DDOST: variants seen among roughly 807,000 people sequenced by gnomAD.
DDOST encodes the protein dolichyl-diphosphooligosaccharide--protein glycosyltransferase non-catalytic subunit.
Under a neutral mutation model 47.6 loss-of-function variants are expected in DDOST, and 25 were observed. The ratio of observed to expected loss-of-function variants is 0.53; its 90% confidence interval spans 0.38 to 0.73. The LOEUF (loss-of-function observed/expected upper bound fraction) is 0.73. Ranked by LOEUF, DDOST falls within the 30% of genes least tolerant of loss-of-function variation. DDOST has a pLI of 0.00. For missense variants in DDOST, 526 were observed against 573.9 expected (o/e 0.92, Z 0.85); for synonymous variants, 275 against 236.0 (o/e 1.17, Z -1.51).
At chr1:20,655,818 G>A in intron 3 of DDOST, 39 bp from the exon 4 acceptor site, 1 of 1,548,924 alleles carries the variant, frequency 6.5e-7, no homozygotes, top group Non-Finnish European at 8.9e-7. Context: ...AGCCCTTACA[G>A]GGGGGCCTTG....
chr1:20,661,018 G>A (rs774147717), intron 1 of DDOST, 27 bp from the exon 2 acceptor site: 1 of 1,566,822 alleles, frequency 6.4e-7, no homozygotes, highest in African/African-American at 1.4e-5. Flanking sequence ...AGGTAGTTGA[G>A]GAAGACGGGA....
At chr1:20,657,139 C>G (rs1214465357) in intron 2 of DDOST, among the ~76,000 whole-genome samples, 1 of 152,162 alleles carries the variant, frequency 6.6e-6, no homozygotes, top group African/African-American at 2.4e-5. Context: ...GCACAGTGAA[C>G]ACCAGGTGCA....
At position 20,661,177 on chromosome 1, in the gene DDOST, C is replaced by A. The variant is rs2053430407; in HGVS notation, c.154+20G>T. 2 of 1,611,570 alleles carry A rather than the reference C, an allele frequency of 1.2e-6. No individual in the cohort carries two copies. The highest frequency in any genetic ancestry group is 4.5e-5 in the East Asian group (2 of 44,826). On this transcript the variant is annotated intron_variant, in intron 1 of 10. Coordinates refer to ENST00000602624, the MANE Select transcript of DDOST (RefSeq NM_005216.5). Reference sequence around the variant, plus strand: ...CAACCCCAGGCCCCCACACGCTACCCCCTCGGACCCCGCTCTCACCCTTCA... The same window carrying A: ...CAACCCCAGGCCCCCACACGCTACCACCTCGGACCCCGCTCTCACCCTTCA...
intron 2 of DDOST, among the ~76,000 whole-genome samples, chr1:20,657,444 G>T (rs1354288581): frequency 2.0e-5 from 3 of 152,208 alleles, no homozygotes; most frequent in African/African-American, 7.2e-5. Flanking sequence ...TGAAAATCTA[G>T]GCAGTGAAGA....
intron 2 of DDOST, among the ~76,000 whole-genome samples, chr1:20,658,471 G>A (rs2154534366): frequency 6.6e-6 from 1 of 152,218 alleles, no homozygotes; most frequent in East Asian, 1.9e-4. Flanking sequence ...ACCTTCCAAA[G>A]TGTGGAACCC....
intron 2 of DDOST, among the ~76,000 whole-genome samples, chr1:20,657,092 C>G (rs1047777426): frequency 6.6e-6 from 1 of 152,216 alleles, no homozygotes; most frequent in African/African-American, 2.4e-5. Context: ...AAGATGTAAG[C>G]GTGAGCCAGG....
intron 10 of DDOST, 36 bp downstream of exon 10, chr1:20,652,585 T>C (rs757415954): frequency 3.1e-6 from 5 of 1,614,134 alleles, no homozygotes; most frequent in East Asian, 2.2e-5. Flanking sequence ...GCAGGGCACA[T>C]GCTAGCTGAA....
chr1:20,654,181 G>C, intron 7 of DDOST, 42 bp downstream of exon 7: 1 of 1,548,818 alleles, frequency 6.5e-7, no homozygotes, highest in Non-Finnish European at 8.7e-7. Context: ...TACACACACT[G>C]CACCACCCGG....
intron 3 of DDOST, 97 bp from the exon 4 acceptor site, chr1:20,655,876 G>A (rs2053367108): frequency 3.9e-6 from 4 of 1,038,800 alleles, no homozygotes; most frequent in Non-Finnish European, 6.0e-6. Context: ...GTCAGCCCCA[G>A]TGCCCTGCAG....
intron 3 of DDOST, 36 bp downstream of exon 3, chr1:20,656,065 A>G (rs747669784): frequency 1.8e-5 from 28 of 1,541,142 alleles, no homozygotes; most frequent in Non-Finnish European, 2.3e-5. Context: ...TCCCTGGAGA[A>G]GTGGAAAGCA....
chr1:20,654,581 T>C, intron 6 of DDOST, 33 bp downstream of exon 6: 1 of 1,526,994 alleles, frequency 6.5e-7, no homozygotes, highest in African/African-American at 1.4e-5. Flanking sequence ...GCTTCATTTT[T>C]ATTTCGAAGC....
intron 5 of DDOST, 117 bp from the exon 6 acceptor site, chr1:20,654,824 T>C: frequency 4.3e-6 from 3 of 697,122 alleles, no homozygotes; most frequent in Admixed American, 2.3e-5. Context: ...TGCCAACCAC[T>C]TAGCTCTTGT....
At position 20,656,204 on chromosome 1, in the gene DDOST, G is replaced by A; in HGVS notation, c.266-17C>T. 1 of 1,606,462 alleles carries A rather than the reference G, an allele frequency of 6.2e-7. No homozygotes were observed. The highest frequency in any genetic ancestry group is 1.7e-5 in the Admixed American group (1 of 59,984). Reference sequence around the variant, plus strand: ...CTCCAAAATCTGAAAGCAGGCACCAGACACAGTGACCCAGAGGTCTCCTCT... The same window carrying A: ...CTCCAAAATCTGAAAGCAGGCACCAAACACAGTGACCCAGAGGTCTCCTCT... On this transcript the variant is annotated splice_polypyrimidine_tract_variant and intron_variant, in intron 2 of 10. Transcript: ENST00000602624.
At position 20,661,185 on chromosome 1, in the gene DDOST, C is replaced by T; in HGVS notation, c.154+12G>A. On this transcript the variant is annotated intron_variant, in intron 1 of 10. Transcript: ENST00000602624. The stretch of plus-strand genomic sequence containing the variant: ...GGCCCCCACACGCTACCCCCTCGGA[C>T]CCCGCTCTCACCCTTCAGGCTCCGG... The T allele has an allele frequency of 2.5e-6, 4 of 1,612,762 alleles. No individual in the cohort carries two copies. Among genetic ancestry groups the T allele is most frequent in the Non-Finnish European group, 3.4e-6 (4 of 1,179,452 alleles).
In DDOST at chr1:20,655,719, G is replaced by A. The variant is rs572098042; in HGVS notation, c.413C>T (p.Ala138Val). 9 of 1,614,172 alleles carry A rather than the reference G, an allele frequency of 5.6e-6. 1 individual carries two copies. In the South Asian group the frequency reaches 9.9e-5, roughly 18 times the overall value. ...CGIEFDEEKT[A>V]VIDHHNYDIS... ...GTCATAGTTGTGATGGTCAATGACA[G>A]CCGTTTTCTCCTCGTCAAACTCAAT... Residue 138 changes from alanine (A) to valine (V), a missense_variant, in exon 4 of 11, where the codon GCT (alanine) becomes GTT (valine). Transcript: ENST00000602624.
intron 3 of DDOST, 145 bp from the exon 4 acceptor site, chr1:20,655,924 G>A (rs2053367495): frequency 1.2e-6 from 1 of 829,192 alleles, no homozygotes; most frequent in South Asian, 1.5e-5. Flanking sequence ...TGGACCCCTG[G>A]ACAGCAGTGT....
intron 6 of DDOST, 41 bp downstream of exon 6, chr1:20,654,573 T>G: frequency 6.6e-7 from 1 of 1,514,000 alleles, no homozygotes; most frequent in Non-Finnish European, 9.0e-7. Flanking sequence ...GCTGTTCTGC[T>G]TCATTTTTAT....
rs149524926 is a variant in DDOST, at chr1:20,659,602, A to G, written c.265+1279T>C. ...ACTGCACCGAAGCCCAGTCATCAGA[A>G]GATTTCAACTTCTACCAATTTGGGG... On this transcript the variant is annotated intron_variant, in intron 2 of 10. Transcript: ENST00000602624. Among the ~76,000 whole-genome samples, 975 of 152,344 alleles carry G rather than the reference A, an allele frequency of 6.4e-3. 15 individuals are homozygous for G. Among genetic ancestry groups the G allele is most frequent in the African/African-American group, 0.022 (921 of 41,572 alleles).
chr1:20,652,212 T>A lies in DDOST; in HGVS notation c.*167A>T, dbSNP rs1358585901. ...TCAAAGTGGAAAAACTTCTTTTATA[T>A]AAAAATTATCCCAACTCCCACCCCT... On this transcript the variant is annotated 3_prime_UTR_variant, in exon 11 of 11. Coordinates refer to ENST00000602624, the MANE Select transcript of DDOST (RefSeq NM_005216.5). The A allele has an allele frequency of 8.0e-6, 5 of 628,914 alleles. No individual in the cohort carries two copies. In the East Asian group the frequency reaches 1.6e-4, roughly 20 times the overall value. The allele number at this position is 628,914 out of a possible 1,614,324, so 39.0% of individuals were successfully genotyped here.
Sources: allele counts gnomAD v4.1 joint callset (sites outside exome capture counted in the v4.1 genomes callset), GRCh38; gene constraint gnomAD v4.1.1; transcripts MANE v1.5; gene names NCBI Gene and HGNC (gene_info 2026-07-23, HGNC 2026-07-21).